The following SLC9A9 variants were observed in gnomAD, a reference collection of about 807,000 sequenced individuals.
The protein encoded by SLC9A9 is sodium/hydrogen exchanger 9.
SLC9A9 carries 62 observed loss-of-function variants against 77.8 expected under a neutral mutation model. That is an observed-to-expected ratio of 0.80 (90% CI 0.65 to 0.98). SLC9A9 has a LOEUF of 0.98. Ranked by LOEUF, SLC9A9 falls within the 50% of genes least tolerant of loss-of-function variation. The pLI is 0.00. For missense variants in SLC9A9, 775 were observed against 774.9 expected (o/e 1.00, Z 0.00); for synonymous variants, 320 against 283.5 (o/e 1.13, Z -1.29).
chr3:143,390,340 G>A (rs373460661), intron 12 of SLC9A9, among the ~76,000 whole-genome samples: 5 of 152,296 alleles, frequency 3.3e-5, no homozygotes, highest in South Asian at 2.1e-4. Context: ...CATTCTGAAC[G>A]GCTGTTCCTA....
intron 9 of SLC9A9, among the ~76,000 whole-genome samples, chr3:143,537,276 G>A (rs2036605616): frequency 6.6e-6 from 1 of 152,216 alleles, no homozygotes; most frequent in Non-Finnish European, 1.5e-5. Flanking sequence ...CGGGTATCTG[G>A]GACTTGTAAA....
chr3:143,753,047 G>C (rs986443984), intron 4 of SLC9A9, among the ~76,000 whole-genome samples: 6 of 152,160 alleles, frequency 3.9e-5, no homozygotes, highest in African/African-American at 1.4e-4. Flanking sequence ...CCAATGAAAA[G>C]ATTAAAATCA....
At chr3:143,639,609 T>G (rs2038586741) in intron 6 of SLC9A9, among the ~76,000 whole-genome samples, 1 of 152,220 alleles carries the variant, frequency 6.6e-6, no homozygotes, top group Non-Finnish European at 1.5e-5. Flanking sequence ...CCAAATTTTA[T>G]CATCTTACTA....
At chr3:143,547,086 G>A (rs1206669808) in intron 9 of SLC9A9, among the ~76,000 whole-genome samples, 1 of 151,998 alleles carries the variant, frequency 6.6e-6, no homozygotes, top group Non-Finnish European at 1.5e-5. Context: ...TTGACTTCTA[G>A]GACGCCATAC....
intron 9 of SLC9A9, chr3:143,517,382 C>T: frequency 6.8e-7 from 1 of 1,462,650 alleles, no homozygotes; most frequent in South Asian, 1.1e-5. Flanking sequence ...AGGAAAGCCA[C>T]CTGGAAAAGA....
intron 14 of SLC9A9, among the ~76,000 whole-genome samples, chr3:143,348,783 A>C (rs2032370987): frequency 6.6e-6 from 1 of 152,232 alleles, no homozygotes. Context: ...TCAAGGTCTT[A>C]GGAGTTCATG....
At chr3:143,704,536 A>T (rs1439476706) in intron 4 of SLC9A9, among the ~76,000 whole-genome samples, 2 of 152,138 alleles carry the variant, frequency 1.3e-5, no homozygotes, top group Non-Finnish European at 2.9e-5. Context: ...CATAAGAAAA[A>T]CTCAAAAAAC....
chr3:143,291,645 A>G (rs2029981730), intron 14 of SLC9A9, among the ~76,000 whole-genome samples: 1 of 152,238 alleles, frequency 6.6e-6, no homozygotes, highest in Admixed American at 6.5e-5. Context: ...ATGGAGGGGA[A>G]AAAGATAACA....
chr3:143,434,991 G>A (rs1304299475), intron 12 of SLC9A9, among the ~76,000 whole-genome samples: 2 of 152,038 alleles, frequency 1.3e-5, no homozygotes, highest in African/African-American at 2.4e-5. Flanking sequence ...TGCAGCCCAG[G>A]CCCTGATTTC....
At chr3:143,552,911 A>G (rs368380418) in intron 8 of SLC9A9, among the ~76,000 whole-genome samples, 58 of 152,262 alleles carry the variant, frequency 3.8e-4, no homozygotes, top group African/African-American at 1.2e-3. Context: ...ACCATAATTT[A>G]GTATTAAAAG....
At chr3:143,323,096 T>C (rs1310923190) in intron 14 of SLC9A9, among the ~76,000 whole-genome samples, 2 of 152,190 alleles carry the variant, frequency 1.3e-5, no homozygotes, top group Non-Finnish European at 2.9e-5. Flanking sequence ...GGTGAGGATT[T>C]GGAGAAACGG....
At chr3:143,606,003 C>A (rs2037916110) in intron 6 of SLC9A9, among the ~76,000 whole-genome samples, 2 of 152,126 alleles carry the variant, frequency 1.3e-5, no homozygotes, top group Admixed American at 1.3e-4. Flanking sequence ...ATAAAGAAAA[C>A]CCTCACAAAA....
Position 143,696,868 on chromosome 3 carries a change from A to T in SLC9A9, c.534-3561T>A, listed in dbSNP as rs1933656712. 1.3e-5 allele frequency among the ~76,000 whole-genome samples: 2 copies of T among 152,130 alleles called. 1 individual carries two copies. The highest frequency in any genetic ancestry group is 1.3e-4 in the Admixed American group (2 of 15,242). ...GAAGCCTCATATACTATTGCTGGAA[A>T]CGAAATTAAAGTTTTTATGGAAAAC... is the stretch of plus-strand genomic sequence containing the variant. On this transcript the variant is annotated intron_variant, in intron 4 of 15. Transcript: ENST00000316549.
intron 12 of SLC9A9, among the ~76,000 whole-genome samples, chr3:143,411,706 G>A (rs981975161): frequency 6.6e-6 from 1 of 151,864 alleles, no homozygotes; most frequent in African/African-American, 2.4e-5. Flanking sequence ...TATAAATAAC[G>A]CTGCCATCCC....
chr3:143,724,650 C>T (rs1270354925), intron 4 of SLC9A9, among the ~76,000 whole-genome samples: 1 of 152,194 alleles, frequency 6.6e-6, no homozygotes, highest in Non-Finnish European at 1.5e-5. Flanking sequence ...AAAGTAGCTC[C>T]TTCAAATTAT....
chr3:143,297,518 G>A (rs1441819797), intron 14 of SLC9A9, among the ~76,000 whole-genome samples: 4 of 152,030 alleles, frequency 2.6e-5, no homozygotes, highest in African/African-American at 9.7e-5. Flanking sequence ...GGCTATTCTT[G>A]GTCTTTTGTG....
intron 6 of SLC9A9, among the ~76,000 whole-genome samples, chr3:143,650,904 T>C (rs996653231): frequency 2.4e-4 from 36 of 152,236 alleles, no homozygotes; most frequent in African/African-American, 8.4e-4. Flanking sequence ...TCTTAGAGTC[T>C]GCATTTTTAA....
chr3:143,830,511 TG>T (rs1429976722), intron 2 of SLC9A9, among the ~76,000 whole-genome samples: 2 of 152,222 alleles, frequency 1.3e-5, no homozygotes, highest in Admixed American at 6.6e-5. Flanking sequence ...ACAAAATTTC[TG>T]GTCAGGCATT....
intron 6 of SLC9A9, among the ~76,000 whole-genome samples, chr3:143,602,738 C>T (rs149637429): frequency 6.6e-6 from 1 of 152,072 alleles, no homozygotes; most frequent in Non-Finnish European, 1.5e-5. Context: ...TGAAGCTACC[C>T]GTACAATAGG....
Sources: gnomAD v4.1 joint callset for allele counts (sites outside exome capture counted in the v4.1 genomes callset) on GRCh38, gnomAD v4.1.1 for gene constraint, MANE v1.5 for transcripts, NCBI Gene and HGNC (gene_info 2026-07-23, HGNC 2026-07-21) for gene names.